NXPE2: variants seen among roughly 807,000 people sequenced by gnomAD.
NXPE2 encodes the protein NXPE family member 2.
A neutral mutation model predicts 34.4 loss-of-function variants in NXPE2; 34 were observed. The observed-to-expected ratio is 0.99, with a 90% CI of 0.75 to 1.31. The LOEUF is 1.31. Among genes scored for constraint, NXPE2 ranks in the 40% most tolerant of loss-of-function variants. NXPE2 has a pLI of 0.00. For missense variants in NXPE2, 649 were observed against 672.5 expected (o/e 0.97, Z 0.39); for synonymous variants, 235 against 231.3 (o/e 1.02, Z -0.15).
chr11:114,611,040 AT>A, the NXPE2 span, among the ~76,000 whole-genome samples: 1 of 151,416 alleles, frequency 6.6e-6, no homozygotes, highest in Admixed American at 6.6e-5. Context: ...TACTCTGTGG[AT>A]TATAAGTGTT....
the NXPE2 span, among the ~76,000 whole-genome samples, chr11:114,810,299 G>C: frequency 6.6e-6 from 1 of 150,800 alleles, no homozygotes; most frequent in South Asian, 2.1e-4. Flanking sequence ...TTCATGTCTA[G>C]AACACCAAAA....
the NXPE2 span, among the ~76,000 whole-genome samples, chr11:114,725,994 A>T: frequency 0.062 from 5,017 of 80,310 alleles, 446 homozygotes; most frequent in African/African-American, 0.11. Context: ...TATATATATA[A>T]AAAGAAAAAG....
At chr11:114,469,777 T>G in the NXPE2 span, among the ~76,000 whole-genome samples, 1 of 152,290 alleles carries the variant, frequency 6.6e-6, no homozygotes, top group South Asian at 2.1e-4. Flanking sequence ...AATGCCACAG[T>G]TAACGTAATG....
intron 4 of NXPE2, among the ~76,000 whole-genome samples, chr11:114,705,505 C>T (rs532498386): frequency 1.4e-4 from 22 of 152,266 alleles, no homozygotes; most frequent in South Asian, 4.1e-4. Context: ...TCCACAGCAG[C>T]GTGGCTCTGG....
At chr11:114,602,204 C>T in the NXPE2 span, among the ~76,000 whole-genome samples, 1 of 105,376 alleles carries the variant, frequency 9.5e-6, no homozygotes, top group Non-Finnish European at 1.7e-5. Context: ...ATATATAATA[C>T]TATATACAAT....
At chr11:114,552,973 T>A in the NXPE2 span, 3 of 463,732 alleles carry the variant, frequency 6.5e-6, no homozygotes, top group Non-Finnish European at 8.5e-6. Flanking sequence ...TGTTGATCTC[T>A]GAAGAAACCT....
At chr11:114,702,865 C>A (rs922660284) in intron 3 of NXPE2, among the ~76,000 whole-genome samples, 1 of 152,256 alleles carries the variant, frequency 6.6e-6, no homozygotes, top group Middle Eastern at 3.4e-3. Flanking sequence ...CCCAAAAACT[C>A]ATTTCCTGAG....
At chr11:114,786,363 C>CCA in the NXPE2 span, among the ~76,000 whole-genome samples, 129 of 127,154 alleles carry the variant, frequency 1.0e-3, no homozygotes, top group Middle Eastern at 4.6e-3. Context: ...CTACCCCCGC[C>CCA]CCCCGCCCCA....
At chr11:114,586,598 T>G in the NXPE2 span, among the ~76,000 whole-genome samples, 1 of 152,178 alleles carries the variant, frequency 6.6e-6, no homozygotes, top group African/African-American at 2.4e-5. Context: ...TTCTAATTGG[T>G]TTCCTTTTAC....
chr11:114,528,745 TA>T, the NXPE2 span: 1 of 602,470 alleles, frequency 1.7e-6, no homozygotes, highest in Non-Finnish European at 3.1e-6. Context: ...AGAAAGGGAT[TA>T]AGGGGAGAAT....
At chr11:114,545,850 A>T in the NXPE2 span, among the ~76,000 whole-genome samples, 2 of 152,014 alleles carry the variant, frequency 1.3e-5, no homozygotes, top group Non-Finnish European at 2.9e-5. Flanking sequence ...CACCACGCCC[A>T]GCTAATTTTT....
chr11:114,471,750 GCTAGC>G, the NXPE2 span, among the ~76,000 whole-genome samples: 1 of 152,130 alleles, frequency 6.6e-6, no homozygotes, highest in East Asian at 1.9e-4. Flanking sequence ...AGTAATTAAT[GCTAGC>G]CTTGGTAAAT....
the NXPE2 span, among the ~76,000 whole-genome samples, chr11:114,604,601 A>G: frequency 1.4e-5 from 2 of 147,556 alleles, no homozygotes. Context: ...GGTAACCACC[A>G]TTACCCACCG....
the NXPE2 span, among the ~76,000 whole-genome samples, chr11:114,777,706 C>T: frequency 3.3e-5 from 5 of 152,120 alleles, no homozygotes; most frequent in Non-Finnish European, 4.4e-5. Flanking sequence ...TGGTTCTTCC[C>T]GTGTGAGCAT....
At chr11:114,583,311 G>A in the NXPE2 span, 1 of 629,868 alleles carries the variant, frequency 1.6e-6, no homozygotes, top group South Asian at 1.6e-5. Context: ...AGGGGTGTTG[G>A]AAATTACTAT....
chr11:114,525,840 C>G, the NXPE2 span, among the ~76,000 whole-genome samples: 1 of 152,174 alleles, frequency 6.6e-6, no homozygotes, highest in Non-Finnish European at 1.5e-5. Flanking sequence ...TGTCTTTGTT[C>G]GGGGCTCAGC....
At chr11:114,799,683 A>G in the NXPE2 span, among the ~76,000 whole-genome samples, 1 of 152,206 alleles carries the variant, frequency 6.6e-6, no homozygotes, top group Non-Finnish European at 1.5e-5. Context: ...CAGAGGCTGC[A>G]CCCGTTTAAA....
At chr11:114,586,815 C>T in the NXPE2 span, among the ~76,000 whole-genome samples, 156 of 152,296 alleles carry the variant, frequency 1.0e-3, 1 homozygote, top group African/African-American at 3.5e-3. Context: ...CCTATCCACT[C>T]TCTGTATGCA....
At chr11:114,718,780 G>A in the NXPE2 span, among the ~76,000 whole-genome samples, 1 of 152,270 alleles carries the variant, frequency 6.6e-6, no homozygotes, top group African/African-American at 2.4e-5. Context: ...CAGAGAGAGG[G>A]AGGAGACCTT....
Sources: allele counts gnomAD v4.1 joint callset (sites outside exome capture counted in the v4.1 genomes callset), GRCh38; gene constraint gnomAD v4.1.1; transcripts MANE v1.5; gene names NCBI Gene and HGNC (gene_info 2026-07-23, HGNC 2026-07-21).